CCDC141: variants seen among roughly 807,000 people sequenced by gnomAD.
CCDC141 encodes coiled-coil domain containing 141, also known as coiled-coil domain-containing protein 141.
A neutral mutation model predicts 181.0 loss-of-function variants in CCDC141; 168 were observed. The observed-to-expected ratio is 0.93, with a 90% CI of 0.82 to 1.05. The LOEUF is 1.05. Among genes scored for constraint, CCDC141 ranks in the 50% least tolerant of loss-of-function variants. CCDC141 has a pLI of 0.00. For missense variants in CCDC141, 1,902 were observed against 1,788.5 expected (o/e 1.06, Z -1.14); for synonymous variants, 666 against 642.3 (o/e 1.04, Z -0.56).
intron 5 of CCDC141, among the ~76,000 whole-genome samples, chr2:178,950,609 T>C (rs979904555): frequency 1.3e-5 from 2 of 152,202 alleles, no homozygotes; most frequent in African/African-American, 4.8e-5. Flanking sequence ...ATCTAGTTAT[T>C]GGCCTGTTAT....
chr2:178,848,286 A>G (rs1205494869), intron 21 of CCDC141, among the ~76,000 whole-genome samples: 1 of 152,230 alleles, frequency 6.6e-6, no homozygotes, highest in Non-Finnish European at 1.5e-5. Flanking sequence ...GCAGAAGCAC[A>G]ATGGTTTGGA....
chr2:178,980,781 T>C (rs1478126613), intron 2 of CCDC141, among the ~76,000 whole-genome samples: 1 of 152,184 alleles, frequency 6.6e-6, no homozygotes, highest in East Asian at 1.9e-4. Context: ...ATTTAACATG[T>C]GTTAATTATT....
At position 178,888,605 on chromosome 2, in the gene CCDC141, G is replaced by A. The variant is rs1028888938; in HGVS notation, c.1329C>T (p.Thr443=). Residue 443 remains threonine, a synonymous_variant, in exon 9 of 24, where the codon ACC becomes ACT. Transcript: ENST00000443758. ...ATTCCTTGTGCGCTGAACACTGTTCGGTCAGATGATCCACTCGTCTCTTAA... is the reference window on the plus strand; with the variant it reads ...ATTCCTTGTGCGCTGAACACTGTTCAGTCAGATGATCCACTCGTCTCTTAA... ...GCIKRRVDHL[T]EQCSAHKEYA... The A allele has an allele frequency of 1.0e-5, 16 of 1,550,602 alleles. No homozygotes were observed. In the East Asian group the frequency reaches 1.2e-4, roughly 12 times the overall value.
intron 2 of CCDC141, among the ~76,000 whole-genome samples, chr2:178,990,139 CA>C (rs60180781): frequency 8.5e-4 from 101 of 119,174 alleles, no homozygotes; most frequent in Middle Eastern, 4.5e-3. Flanking sequence ...AATTCCATCT[CA>C]AAAAAAAAAA....
chr2:178,865,244 C>G (rs1685793568), intron 17 of CCDC141, among the ~76,000 whole-genome samples: 1 of 152,166 alleles, frequency 6.6e-6, no homozygotes, highest in African/African-American at 2.4e-5. Flanking sequence ...ATGAAACCAG[C>G]CACTTGACCT....
At chr2:178,975,212 T>G (rs758855827) in intron 3 of CCDC141, 47 bp from the exon 4 acceptor site, 3 of 1,020,120 alleles carry the variant, frequency 2.9e-6, no homozygotes, top group Non-Finnish European at 2.9e-6. Context: ...TGTATAAAAA[T>G]TAACGTGCCA....
At chr2:178,977,475 T>G (rs1441973576) in intron 3 of CCDC141, among the ~76,000 whole-genome samples, 1 of 152,140 alleles carries the variant, frequency 6.6e-6, no homozygotes, top group African/African-American at 2.4e-5. Flanking sequence ...AGAAAGATGG[T>G]GTATGAAACT....
At chr2:178,853,211 G>A (rs992631989) in intron 20 of CCDC141, among the ~76,000 whole-genome samples, 1 of 152,138 alleles carries the variant, frequency 6.6e-6, no homozygotes, top group Admixed American at 6.6e-5. Context: ...GAGAAGGAAG[G>A]CTTACACAAA....
chr2:178,871,813 A>G (rs1240913591), intron 13 of CCDC141, among the ~76,000 whole-genome samples: 3 of 152,142 alleles, frequency 2.0e-5, no homozygotes, highest in Non-Finnish European at 4.4e-5. Flanking sequence ...CAGAGGCATG[A>G]TATTTAATAC....
At chr2:178,950,351 A>G (rs758384639) in intron 5 of CCDC141, among the ~76,000 whole-genome samples, 17 of 151,618 alleles carry the variant, frequency 1.1e-4, no homozygotes, top group Non-Finnish European at 2.5e-4. Flanking sequence ...TTCTTTTTTT[A>G]CAGTAGGGGA....
At chr2:178,824,061 A>AACACACACAAACACACACAC in the CCDC141 span, among the ~76,000 whole-genome samples, 24 of 147,524 alleles carry the variant, frequency 1.6e-4, no homozygotes, top group African/African-American at 5.5e-4. Flanking sequence ...TACAGAGAAA[A>AACACACACAAACACACACAC]ACACACACAC....
chr2:178,852,361 T>C (rs183732052), intron 20 of CCDC141, among the ~76,000 whole-genome samples: 1 of 152,172 alleles, frequency 6.6e-6, no homozygotes, highest in Non-Finnish European at 1.5e-5. Flanking sequence ...GACCAATAGG[T>C]ATTTATACTA....
rs757068281 is a variant in CCDC141, at chr2:178,869,170, C to T, written c.2341G>A (p.Asp781Asn). 2.0e-5 allele frequency: 33 copies of T among 1,613,292 alleles called. No individual in the cohort carries two copies. Among genetic ancestry groups the T allele is most frequent in the East Asian group, 1.3e-4 (6 of 44,854 alleles). Residue 781 changes from aspartate (D) to asparagine (N), a missense_variant, in exon 15 of 24, where the codon GAT becomes AAT. Coordinates refer to ENST00000443758, the MANE Select transcript of CCDC141 (RefSeq NM_173648.4). Reference sequence around the variant, plus strand: ...ACCTTGTACAGGATATCCTCGTAATCCTGGATTCTCTCTTTCTGTTTTTGA... The same window carrying T: ...ACCTTGTACAGGATATCCTCGTAATTCTGGATTCTCTCTTTCTGTTTTTGA... ...FHQKQKERIQ[D>N]YEDILYKVVQ... is the part of the protein sequence containing the mutation.
chr2:179,036,136 T>C (rs1161202248), intron 2 of CCDC141, among the ~76,000 whole-genome samples: 1 of 152,228 alleles, frequency 6.6e-6, no homozygotes, highest in East Asian at 1.9e-4. Context: ...CCTTGATTCC[T>C]GGGCCAGGAC....
intron 17 of CCDC141, 52 bp downstream of exon 17, chr2:178,865,692 TGGACATTTAGACACATGCTTTAG>T (rs1685815069): frequency 7.6e-7 from 1 of 1,319,004 alleles, no homozygotes; most frequent in African/African-American, 1.5e-5. Context: ...TGCACAAATG[TGGACATTTAGACACATGCTTTAG>T]GTTCAAACAG....
At chr2:178,988,159 T>G (rs144251307) in intron 2 of CCDC141, among the ~76,000 whole-genome samples, 3,197 of 152,070 alleles carry the variant, frequency 0.021, 84 homozygotes, top group East Asian at 0.13. Context: ...ATGAGTTCAT[T>G]TCCTTTGTAG....
intron 2 of CCDC141, among the ~76,000 whole-genome samples, chr2:179,024,424 A>G (rs986677402): frequency 6.6e-6 from 1 of 152,222 alleles, no homozygotes; most frequent in Non-Finnish European, 1.5e-5. Flanking sequence ...CATTCATTCC[A>G]CAAACATTTG....
chr2:178,856,570 C>T (rs12991469), intron 17 of CCDC141, among the ~76,000 whole-genome samples, 173 bp from the exon 18 acceptor site: 2 of 143,376 alleles, frequency 1.4e-5, no homozygotes, highest in South Asian at 5.1e-4. Context: ...CTTTCTCTTT[C>T]TCTCTTTCTT....
intron 2 of CCDC141, among the ~76,000 whole-genome samples, chr2:179,040,654 G>A (rs903556839): frequency 1.3e-5 from 2 of 152,154 alleles, no homozygotes; most frequent in South Asian, 4.1e-4. Context: ...CTGTTTCTGA[G>A]TTAGTTTGCT....
Sources: gnomAD v4.1 joint callset for allele counts (sites outside exome capture counted in the v4.1 genomes callset) on GRCh38, gnomAD v4.1.1 for gene constraint, MANE v1.5 for transcripts, NCBI Gene and HGNC (gene_info 2026-07-23, HGNC 2026-07-21) for gene names.